Variants in NLGN1 observed in about 807,000 individuals in gnomAD.
NLGN1 encodes the protein neuroligin 1.
NLGN1 carries 12 observed loss-of-function variants against 65.5 expected under a neutral mutation model. The observed-to-expected ratio is 0.18, with a 90% CI of 0.12 to 0.30. NLGN1 has a LOEUF of 0.30. NLGN1 is among the 10% of genes least tolerant of loss of function. The pLI is 1.00. For synonymous variants in NLGN1, 350 were observed against 359.5 expected (o/e 0.97, Z 0.30); for missense variants, 750 against 1,007.1 (o/e 0.74, Z 3.46).
intron 4 of NLGN1, among the ~76,000 whole-genome samples, chr3:174,031,717 T>A (rs1579887339): frequency 6.6e-6 from 1 of 152,218 alleles, no homozygotes; most frequent in East Asian, 1.9e-4. Context: ...GTAATAATGA[T>A]AGTCGTAGAA....
At chr3:173,406,900 G>A (rs1263042412) in intron 1 of NLGN1, among the ~76,000 whole-genome samples, 1 of 152,004 alleles carries the variant, frequency 6.6e-6, no homozygotes, top group Non-Finnish European at 1.5e-5. Context: ...GATTTATGGA[G>A]CATGAAGAAA....
chr3:173,923,295 A>T (rs945324356), intron 4 of NLGN1, among the ~76,000 whole-genome samples: 1 of 152,104 alleles, frequency 6.6e-6, no homozygotes, highest in African/African-American at 2.4e-5. Context: ...TTTTCTTCGT[A>T]AACTTCTGGA....
chr3:174,256,486 AT>A (rs1431502207), intron 4 of NLGN1, among the ~76,000 whole-genome samples: 18 of 152,230 alleles, frequency 1.2e-4, no homozygotes, highest in South Asian at 4.1e-4. Flanking sequence ...CATTAATAAT[AT>A]TTTTTAGCTA....
intron 3 of NLGN1, among the ~76,000 whole-genome samples, chr3:173,804,492 C>G (rs961825754): frequency 6.6e-6 from 1 of 151,864 alleles, no homozygotes; most frequent in African/African-American, 2.4e-5. Context: ...TATATTTGCA[C>G]AGAAGATAAA....
chr3:173,830,823 G>A (rs1372484655), intron 4 of NLGN1, among the ~76,000 whole-genome samples: 1 of 152,088 alleles, frequency 6.6e-6, no homozygotes, highest in East Asian at 1.9e-4. Flanking sequence ...AAAATGTTCT[G>A]GAGGAATCAT....
chr3:173,826,120 T>G (rs964111456), intron 4 of NLGN1, among the ~76,000 whole-genome samples: 12 of 152,108 alleles, frequency 7.9e-5, no homozygotes, highest in Non-Finnish European at 1.6e-4. Flanking sequence ...GGCAACATTC[T>G]GCTGCAGGAA....
chr3:173,740,010 C>G (rs1465924460), intron 3 of NLGN1, among the ~76,000 whole-genome samples: 1 of 151,950 alleles, frequency 6.6e-6, no homozygotes, highest in East Asian at 1.9e-4. Context: ...CCCATTTTCC[C>G]TAATTTAGGT....
At chr3:173,604,009 AT>A (rs142985997) in intron 2 of NLGN1, among the ~76,000 whole-genome samples, 4,157 of 152,232 alleles carry the variant, frequency 0.027, 84 homozygotes, top group Middle Eastern at 0.041. Flanking sequence ...TTTTTAAATA[AT>A]TTACTGTGAC....
intron 4 of NLGN1, among the ~76,000 whole-genome samples, chr3:173,987,870 T>G (rs1409315295): frequency 6.6e-6 from 1 of 152,220 alleles, no homozygotes; most frequent in African/African-American, 2.4e-5. Flanking sequence ...ACTAATGAAA[T>G]GGTCAGTTGT....
At chr3:174,088,866 G>A (rs1743978172) in intron 4 of NLGN1, among the ~76,000 whole-genome samples, 1 of 151,880 alleles carries the variant, frequency 6.6e-6, no homozygotes, top group Non-Finnish European at 1.5e-5. Flanking sequence ...TCAAGACACA[G>A]TAAAGAAGGT....
intron 4 of NLGN1, among the ~76,000 whole-genome samples, chr3:174,119,247 T>C (rs1717236862): frequency 6.6e-6 from 1 of 152,150 alleles, no homozygotes. Flanking sequence ...CCAGACCCAC[T>C]TCTATGCATT....
intron 4 of NLGN1, among the ~76,000 whole-genome samples, chr3:174,012,135 G>A (rs562919986): frequency 6.6e-6 from 1 of 152,222 alleles, no homozygotes; most frequent in South Asian, 2.1e-4. Context: ...ATGAGTCTGT[G>A]CTGCTAAACT....
rs566498556 is a variant in NLGN1, at chr3:173,587,295, A to C, written c.-320-16984A>C. Among the ~76,000 whole-genome samples, 12 of 152,262 alleles carry C rather than the reference A, an allele frequency of 7.9e-5. No individual in the cohort carries two copies. In the South Asian group the frequency reaches 2.3e-3, roughly 29 times the overall value. ...AGAAAGTGACCTTCTCTTTGTTATA[A>C]TCTACTTGGAGGGGCTGTATCCTTT... On this transcript the variant is annotated intron_variant, in intron 2 of 6. Coordinates refer to ENST00000457714, the Ensembl canonical transcript of NLGN1.
chr3:173,477,610 G>A (rs1726456876), intron 2 of NLGN1, among the ~76,000 whole-genome samples: 1 of 152,138 alleles, frequency 6.6e-6, no homozygotes, highest in Non-Finnish European at 1.5e-5. Flanking sequence ...CACAGAAAGG[G>A]TAGAAAGGGA....
chr3:174,077,649 G>A (rs954293774), intron 4 of NLGN1, among the ~76,000 whole-genome samples: 4 of 151,912 alleles, frequency 2.6e-5, no homozygotes, highest in Non-Finnish European at 4.4e-5. Flanking sequence ...TCCGCCTCCC[G>A]GGTTCAAGCA....
chr3:174,063,313 A>G (rs554656846), intron 4 of NLGN1, among the ~76,000 whole-genome samples: 1 of 152,302 alleles, frequency 6.6e-6, no homozygotes, highest in Non-Finnish European at 1.5e-5. Context: ...AACAACTGGC[A>G]AAGTTCATCA....
chr3:173,456,097 C>G (rs1722476842), intron 2 of NLGN1, among the ~76,000 whole-genome samples: 1 of 152,138 alleles, frequency 6.6e-6, no homozygotes, highest in African/African-American at 2.4e-5. Flanking sequence ...AAATGCTAAT[C>G]TCTCCTGGAA....
chr3:174,118,533 A>G (rs1161755742), intron 4 of NLGN1, among the ~76,000 whole-genome samples: 1 of 152,188 alleles, frequency 6.6e-6, no homozygotes, highest in African/African-American at 2.4e-5. Context: ...AATAAATGTT[A>G]AGATTTAAAA....
At chr3:173,693,664 A>C (rs930915692) in intron 3 of NLGN1, among the ~76,000 whole-genome samples, 1 of 152,098 alleles carries the variant, frequency 6.6e-6, no homozygotes, top group African/African-American at 2.4e-5. Context: ...GCTATACAGC[A>C]GACTAACAAA....
Sources: allele counts gnomAD v4.1 joint callset (sites outside exome capture counted in the v4.1 genomes callset), GRCh38; gene constraint gnomAD v4.1.1; transcripts MANE v1.5; gene names NCBI Gene and HGNC (gene_info 2026-07-23, HGNC 2026-07-21).